The following VPS9D1 variants were observed in gnomAD, a reference collection of about 807,000 sequenced individuals.
VPS9D1 encodes the protein VPS9 domain containing 1.
In VPS9D1, 78 loss-of-function variants were observed where a neutral mutation model predicts 75.8. The observed-to-expected ratio is 1.03, with a 90% CI of 0.86 to 1.24. VPS9D1 has a LOEUF of 1.24. VPS9D1 is among the 50% of genes most tolerant of loss of function. The pLI is 0.00. For synonymous variants in VPS9D1, 481 were observed against 385.6 expected (o/e 1.25, Z -2.90); for missense variants, 1,057 against 847.7 (o/e 1.25, Z -3.07).
At chr16:89,710,073 G>A (rs1344494603) in intron 10 of VPS9D1, among the ~76,000 whole-genome samples, 167 bp from the exon 11 acceptor site, 1 of 152,224 alleles carries the variant, frequency 6.6e-6, no homozygotes, top group Non-Finnish European at 1.5e-5. Context: ...GTCCGGGACT[G>A]GAAACGGTCA....
intron 2 of VPS9D1, chr16:89,717,261 C>T (rs1366017436): frequency 3.2e-6 from 1 of 316,076 alleles, no homozygotes; most frequent in Non-Finnish European, 6.2e-6. Flanking sequence ...TCTGCTAAGG[C>T]TGTGGGCCCC....
intron 4 of VPS9D1, 134 bp from the exon 5 acceptor site, chr16:89,712,850 G>A (rs1039219028): frequency 6.6e-6 from 5 of 762,254 alleles, no homozygotes; most frequent in Non-Finnish European, 9.9e-6. Flanking sequence ...GCCATCTGGG[G>A]TGGGCTGCAA....
intron 10 of VPS9D1, 103 bp downstream of exon 10, chr16:89,710,481 CAG>C (rs2060889569): frequency 1.6e-6 from 2 of 1,279,834 alleles, no homozygotes; most frequent in South Asian, 1.5e-5. Flanking sequence ...TAAGTCTGAT[CAG>C]AGTCTCTGAT....
Position 89,710,796 on chromosome 16 carries a change from G to T in VPS9D1, c.1048C>A (p.Pro350Thr). 1 of 1,549,394 alleles carries T rather than the reference G, an allele frequency of 6.5e-7. No homozygotes were observed. Among genetic ancestry groups the T allele is most frequent in the Non-Finnish European group, 8.7e-7 (1 of 1,145,982 alleles). ...PSAAPRPQDSPPTPPLQPGPV... is the reference protein window; with the variant it reads ...PSAAPRPQDSTPTPPLQPGPV... ...CCGGGTTGGAGTGGGGGCGTGGGGGGACTGTCCTGGGGCCGCGGGGCTGCG... is the reference window on the plus strand; with the variant it reads ...CCGGGTTGGAGTGGGGGCGTGGGGGTACTGTCCTGGGGCCGCGGGGCTGCG... Residue 350 changes from proline to threonine, a missense_variant, in exon 10 of 15, where the codon CCC becomes ACC. By Grantham distance (38) the Pro-to-Thr change is conservative (BLOSUM62 -1). Coordinates refer to ENST00000389386, the MANE Select transcript of VPS9D1 (RefSeq NM_004913.3).
At chr16:89,708,327 G>T (rs565345814) in intron 14 of VPS9D1, 100 bp downstream of exon 14, 4 of 1,194,326 alleles carry the variant, frequency 3.3e-6, no homozygotes, top group South Asian at 1.4e-5. Flanking sequence ...GGAGCCACAC[G>T]CTACCCTCCC....
At chr16:89,708,568 G>T in intron 13 of VPS9D1, 37 bp from the exon 14 acceptor site, 1 of 1,589,754 alleles carries the variant, frequency 6.3e-7, no homozygotes, top group South Asian at 1.1e-5. Flanking sequence ...GTTGGGGCCA[G>T]GAGCCTCTCA....
At chr16:89,709,000 C>T in intron 12 of VPS9D1, 44 bp from the exon 13 acceptor site, 1 of 1,544,896 alleles carries the variant, frequency 6.5e-7, no homozygotes, top group South Asian at 1.2e-5. Flanking sequence ...CCCCGTCCAG[C>T]AGCCTGAGCC....
In VPS9D1 at chr16:89,716,479, C is replaced by G; in HGVS notation, c.414G>C (p.Glu138Asp). ...PEIFQKLQGAESQSCKKELTP... is the reference protein window; with the variant it reads ...PEIFQKLQGADSQSCKKELTP... ...CATCTTACTTCTTACAGCTTTGTGA[C>G]TCTGCCCCCTGAAGCTTCTGGAAGA... The change falls in exon 4 of 15, where the codon GAG becomes GAC. Residue 138 changes from glutamate to aspartate, a missense_variant. Physicochemically the swap from Glu to Asp is conservative, Grantham distance 45. Coordinates refer to ENST00000389386, the MANE Select transcript of VPS9D1 (RefSeq NM_004913.3). The G allele has an allele frequency of 1.2e-6, 2 of 1,614,104 alleles. No homozygotes were observed. The highest frequency in any genetic ancestry group is 8.5e-7 in the Non-Finnish European group (1 of 1,180,014).
At chr16:89,711,529 G>C (rs2060920754) in intron 8 of VPS9D1, 117 bp from the exon 9 acceptor site, 19 of 1,035,502 alleles carry the variant, frequency 1.8e-5, no homozygotes, top group Non-Finnish European at 2.6e-5. Flanking sequence ...GGGTGCAGGA[G>C]ACCCAGCGCC....
chr16:89,710,623 C>G lies in VPS9D1; in HGVS notation c.1221G>C (p.Gln407His). The change falls in exon 10 of 15, where the codon CAG (glutamine) becomes CAC (histidine). Residue 407 changes from glutamine (Q) to histidine (H), a missense_variant. Gln to His is a conservative substitution (Grantham distance 24). Transcript: ENST00000389386. Reference sequence around the variant, plus strand: ...GGATCTCCTCCACCGCGGTCTTCAGCTGCTGCAGCTGGGGCTCCGGCTGTA... The same window carrying G: ...GGATCTCCTCCACCGCGGTCTTCAGGTGCTGCAGCTGGGGCTCCGGCTGTA... ...RGVQPEPQLQQLKTAVEEIHN... is the reference protein window; with the variant it reads ...RGVQPEPQLQHLKTAVEEIHN... 6.2e-7 allele frequency: 1 copy of G among 1,609,866 alleles called. No homozygotes were observed. Among genetic ancestry groups the G allele is most frequent in the East Asian group, 2.2e-5 (1 of 44,768 alleles).
Position 89,712,046 on chromosome 16 carries a change from CCTGTTGGCGGCCT to C in VPS9D1, c.647_659del (p.Glu216GlyfsTer9). 1 of 1,548,990 alleles carries C rather than the reference CCTGTTGGCGGCCT, an allele frequency of 6.5e-7. No individual in the cohort carries two copies. Among genetic ancestry groups the C allele is most frequent in the Non-Finnish European group, 8.7e-7 (1 of 1,146,750 alleles). ...GCCCCAGGGGCGGGCAGGAGTCCCA[CCTGTTGGCGGCCT>C]CCTGGAGCCGCAGCCGGCGCTCCTC... On this transcript the variant is annotated frameshift_variant and splice_region_variant, in exon 7 of 15. Coordinates refer to ENST00000389386, the MANE Select transcript of VPS9D1 (RefSeq NM_004913.3). LOFTEE classifies it high-confidence loss of function.
intron 8 of VPS9D1, chr16:89,711,675 C>T (rs2060926885): frequency 2.8e-6 from 2 of 709,218 alleles, no homozygotes; most frequent in Admixed American, 3.0e-5. Flanking sequence ...CCCACGCGAC[C>T]CCTGACCTCG....
chr16:89,716,643 C>T lies in VPS9D1; in HGVS notation c.269-19G>A. 1 of 1,610,348 alleles carries T rather than the reference C, an allele frequency of 6.2e-7. No individual in the cohort carries two copies. The highest frequency in any genetic ancestry group is 1.1e-5 in the South Asian group (1 of 90,986). On this transcript the variant is annotated intron_variant, in intron 3 of 14. Coordinates refer to ENST00000389386, the MANE Select transcript of VPS9D1 (RefSeq NM_004913.3). ...GTTTTCCCTGCAAGCCATGGGTAAC[C>T]AGGGGTCAAGCGGTGGGCCACATCC...
chr16:89,712,828 A>C, intron 4 of VPS9D1, 112 bp from the exon 5 acceptor site: 1 of 959,990 alleles, frequency 1.0e-6, no homozygotes. Context: ...GGTGAGGAGA[A>C]AGAGGAGGGG....
At chr16:89,719,593 G>A (rs751291564) in intron 1 of VPS9D1, among the ~76,000 whole-genome samples, 64 of 152,254 alleles carry the variant, frequency 4.2e-4, no homozygotes, top group Non-Finnish European at 5.4e-4. Context: ...TTTAAGTTCC[G>A]AGAAATCCCT....
At position 89,711,332 on chromosome 16, in the gene VPS9D1, C is replaced by T. The variant is rs1325030685; in HGVS notation, c.828G>A (p.Leu276=). Reference sequence around the variant, plus strand: ...GGGCCTGAAGGCCCAGCTACCTGAGCAGGTGTGAGACCAGGCTGGTCACGA... The same window carrying T: ...GGGCCTGAAGGCCCAGCTACCTGAGTAGGTGTGAGACCAGGCTGGTCACGA... ...LSLVTSLVSH[L]LSLPDHPIAQ... The change falls in exon 9 of 15, where the codon CTG becomes CTA. Residue 276 remains leucine (L), a synonymous_variant. Transcript: ENST00000389386. 1 of 1,608,988 alleles carries T rather than the reference C, an allele frequency of 6.2e-7. No homozygotes were observed. Among genetic ancestry groups the T allele is most frequent in the Non-Finnish European group, 8.5e-7 (1 of 1,177,908 alleles).
Position 89,714,157 on chromosome 16 carries a change from C to T in VPS9D1, c.432-1441G>A, listed in dbSNP as rs140661981. Among the ~76,000 whole-genome samples, 1,444 of 152,144 alleles carry T rather than the reference C, an allele frequency of 9.5e-3. 30 individuals are homozygous for T. The highest frequency in any genetic ancestry group is 0.033 in the African/African-American group (1,382 of 41,512). The stretch of plus-strand genomic sequence containing the variant: ...TTCATCATGTTGGCCAGGCTGATCT[C>T]GAACTCCTGACCTCAGGTAATCTGC... On this transcript the variant is annotated intron_variant, in intron 4 of 14. Coordinates refer to ENST00000389386, the MANE Select transcript of VPS9D1 (RefSeq NM_004913.3).
chr16:89,711,359 T>C lies in VPS9D1; in HGVS notation c.801A>G (p.Ser267=), dbSNP rs374228723. The C allele has an allele frequency of 2.6e-4, 419 of 1,610,874 alleles. No individual in the cohort carries two copies. Among genetic ancestry groups the C allele is most frequent in the Non-Finnish European group, 8.6e-5 (101 of 1,178,686 alleles). The change falls in exon 9 of 15, where the codon TCA becomes TCG. Residue 267 remains serine, a synonymous_variant. Coordinates refer to ENST00000389386, the MANE Select transcript of VPS9D1 (RefSeq NM_004913.3). ...GGTGTGAGACCAGGCTGGTCACGAG[T>C]GACAGGTCCCCCGGATTCCTCTTGA... ...AKLKRNPGDL[S]LVTSLVSHLL...
In VPS9D1 at chr16:89,713,398, G is replaced by A. The variant is rs1301055173; in HGVS notation, c.432-682C>T. 2.0e-5 allele frequency among the ~76,000 whole-genome samples: 3 copies of A among 151,730 alleles called. No homozygotes were observed. The East Asian group carries it at 6.1e-4, about 31-fold the overall frequency. ...GCCTCCTGAGTAGCTGGGACTACAG[G>A]TGCCCGCCACTATGCCCGGCTAATT... On this transcript the variant is annotated intron_variant, in intron 4 of 14. Transcript: ENST00000389386.
Sources: allele counts gnomAD v4.1 joint callset (sites outside exome capture counted in the v4.1 genomes callset), GRCh38; gene constraint gnomAD v4.1.1; transcripts MANE v1.5; gene names NCBI Gene and HGNC (gene_info 2026-07-23, HGNC 2026-07-21).